The following FER variants were observed in gnomAD, a reference collection of about 807,000 sequenced individuals.
The protein encoded by FER is FER tyrosine kinase, also known as tyrosine-protein kinase Fer.
FER carries 63 observed loss-of-function variants against 111.0 expected under a neutral mutation model. That is an observed-to-expected ratio of 0.57 (90% CI 0.46 to 0.70). The LOEUF is 0.70. Ranked by LOEUF, FER falls within the 30% of genes least tolerant of loss-of-function variation. The pLI, the probability that FER is intolerant of heterozygous loss-of-function variation, is 0.00. For missense variants in FER, 914 were observed against 954.0 expected, an observed-to-expected ratio of 0.96 and a Z score of 0.55; for synonymous variants, 327 against 313.9, an observed-to-expected ratio of 1.04 and a Z score of -0.44.
intron 10 of FER, among the ~76,000 whole-genome samples, chr5:108,929,994 G>A (rs1754332840): frequency 6.6e-6 from 1 of 152,058 alleles, no homozygotes; most frequent in Admixed American, 6.5e-5. Flanking sequence ...TTTAAAAATT[G>A]TGAATTTCTA....
chr5:109,170,532 T>C (rs776370022), intron 17 of FER, among the ~76,000 whole-genome samples: 7 of 152,204 alleles, frequency 4.6e-5, no homozygotes, highest in Non-Finnish European at 8.8e-5. Context: ...TGTTTCTGTA[T>C]CCATATACAA....
chr5:109,186,464 T>G, intron 19 of FER, 142 bp downstream of exon 19: 1 of 1,202,510 alleles, frequency 8.3e-7, no homozygotes, highest in South Asian at 1.4e-5. Context: ...GAAGCAGATT[T>G]ATCTAACATC....
chr5:108,807,471 C>G lies in FER; in HGVS notation c.207+9082C>G, dbSNP rs76646391. Among the ~76,000 whole-genome samples, 907 of 152,168 alleles carry G rather than the reference C, an allele frequency of 6.0e-3. 6 individuals carry two copies. The highest frequency in any genetic ancestry group is 8.6e-3 in the Non-Finnish European group (584 of 67,990). ...TTTCTGTGGATCAGTTTTGATGTCA[C>G]CTTTGTGATTTCTTATTGTGCTTAT... is the stretch of plus-strand genomic sequence containing the variant. On this transcript the variant is annotated intron_variant, in intron 3 of 19. Coordinates refer to ENST00000281092, the MANE Select transcript of FER (RefSeq NM_005246.4).
rs183163559 is a variant in FER, at chr5:109,182,548, A to C, written c.2203+1647A>C. On this transcript the variant is annotated intron_variant, in intron 18 of 19. Transcript: ENST00000281092. ...AGATTATAATACTCAATATTTACACAAAGGTTTTTGTTAGATGACAAAACA... is the reference window on the plus strand; with the variant it reads ...AGATTATAATACTCAATATTTACACCAAGGTTTTTGTTAGATGACAAAACA... 1.4e-4 allele frequency among the ~76,000 whole-genome samples: 21 copies of C among 152,346 alleles called. No individual in the cohort carries two copies. The East Asian group carries it at 3.9e-3, about 28-fold the overall frequency.
intron 17 of FER, among the ~76,000 whole-genome samples, chr5:109,161,369 C>A (rs924009822): frequency 1.3e-5 from 2 of 152,022 alleles, no homozygotes; most frequent in Non-Finnish European, 2.9e-5. Context: ...GGTATTAAGT[C>A]TAGTACCCAC....
chr5:108,996,706 C>CA (rs1764024986), intron 13 of FER, among the ~76,000 whole-genome samples: 2 of 152,152 alleles, frequency 1.3e-5, no homozygotes, highest in South Asian at 4.1e-4. Flanking sequence ...ATGCCTCCAG[C>CA]ATTGTTCTTT....
chr5:109,063,158 A>T (rs3797832), intron 16 of FER, among the ~76,000 whole-genome samples: 5 of 152,104 alleles, frequency 3.3e-5, no homozygotes, highest in African/African-American at 9.7e-5. Flanking sequence ...TCAATTGTCA[A>T]AATTCGTTTT....
At chr5:109,176,108 TAAG>T (rs1338681270) in intron 17 of FER, among the ~76,000 whole-genome samples, 2 of 151,720 alleles carry the variant, frequency 1.3e-5, no homozygotes, top group African/African-American at 4.8e-5. Context: ...GGAAGTTTCT[TAAG>T]AAAAAAAACT....
At chr5:109,001,058 T>C (rs112224220) in intron 13 of FER, among the ~76,000 whole-genome samples, 28,117 of 152,038 alleles carry the variant, frequency 0.18, 2,807 homozygotes, top group Non-Finnish European at 0.22. Context: ...GATTCACAGC[T>C]GAATTCTACC....
intron 17 of FER, among the ~76,000 whole-genome samples, chr5:109,117,736 T>G (rs1181406917): frequency 6.6e-6 from 1 of 151,330 alleles, no homozygotes; most frequent in Non-Finnish European, 1.5e-5. Flanking sequence ...CCCTTGTAAG[T>G]TGGATTCCTA....
rs376870194 is a variant in FER at position 109,070,871 on chromosome 5, CATG to C, written c.1924+23676_1924+23678del. 7.9e-3 allele frequency among the ~76,000 whole-genome samples: 1,201 copies of C among 152,048 alleles called. 13 individuals are homozygous for C. Among genetic ancestry groups the C allele is most frequent in the African/African-American group, 0.028 (1,154 of 41,542 alleles). On this transcript the variant is annotated intron_variant, in intron 16 of 19. Transcript: ENST00000281092. The stretch of plus-strand genomic sequence containing the variant: ...TAATGCAGTCATTTTGTAATACAAA[CATG>C]ATTATTTCATGTATCTTTTGCTGAA...
chr5:108,926,027 A>G (rs952684583), intron 10 of FER, among the ~76,000 whole-genome samples: 1 of 151,646 alleles, frequency 6.6e-6, no homozygotes, highest in Non-Finnish European at 1.5e-5. Context: ...TTACCCTTCA[A>G]TCTCTGATAT....
intron 5 of FER, among the ~76,000 whole-genome samples, chr5:108,843,690 A>G (rs1432002045): frequency 6.6e-6 from 1 of 151,648 alleles, no homozygotes; most frequent in Non-Finnish European, 1.5e-5. Flanking sequence ...CACCAAACCC[A>G]GCTAATTTTT....
At chr5:109,165,236 C>CAA (rs956343877) in intron 17 of FER, among the ~76,000 whole-genome samples, 1 of 152,162 alleles carries the variant, frequency 6.6e-6, no homozygotes, top group African/African-American at 2.4e-5. Flanking sequence ...TACTTTCTGA[C>CAA]ACCAGGTATA....
At chr5:108,946,505 G>T (rs979740859) in intron 11 of FER, among the ~76,000 whole-genome samples, 6 of 151,794 alleles carry the variant, frequency 4.0e-5, no homozygotes, top group Non-Finnish European at 8.8e-5. Flanking sequence ...ATAATTATGA[G>T]AAACATTTTA....
At chr5:108,841,541 A>G (rs937480493) in intron 5 of FER, among the ~76,000 whole-genome samples, 1 of 152,152 alleles carries the variant, frequency 6.6e-6, no homozygotes, top group Non-Finnish European at 1.5e-5. Flanking sequence ...AAATATGGGG[A>G]ATTCAGGTAC....
intron 13 of FER, among the ~76,000 whole-genome samples, chr5:108,992,453 A>T (rs113311440): frequency 2.2e-5 from 3 of 139,480 alleles, no homozygotes; most frequent in African/African-American, 8.0e-5. Flanking sequence ...TAGGGGCGGC[A>T]GGGCAGAGGC....
intron 13 of FER, among the ~76,000 whole-genome samples, chr5:108,964,415 C>T (rs1033644211): frequency 2.6e-5 from 4 of 152,290 alleles, no homozygotes; most frequent in Admixed American, 2.6e-4. Context: ...GTTAGTACAG[C>T]ATGTGTACCA....
intron 10 of FER, among the ~76,000 whole-genome samples, chr5:108,914,240 T>C (rs1048225638): frequency 2.0e-5 from 3 of 151,650 alleles, no homozygotes; most frequent in Non-Finnish European, 4.4e-5. Context: ...TCTGTGTGTG[T>C]GTGTGTGTGT....
Sources: gnomAD v4.1 joint callset for allele counts (sites outside exome capture counted in the v4.1 genomes callset) on GRCh38, gnomAD v4.1.1 for gene constraint, MANE v1.5 for transcripts, NCBI Gene and HGNC (gene_info 2026-07-23, HGNC 2026-07-21) for gene names.